Variants in STYX observed in about 807,000 individuals in gnomAD.
STYX encodes the protein serine/threonine/tyrosine interacting protein.
A neutral mutation model predicts 42.7 loss-of-function variants in STYX; 20 were observed. The observed-to-expected ratio is 0.47, with a 90% CI of 0.33 to 0.68. The LOEUF (loss-of-function observed/expected upper bound fraction) is 0.68, where lower values mean the gene tolerates loss of function less well. Ranked by LOEUF, STYX falls within the 30% of genes least tolerant of loss-of-function variation. The pLI is 0.02. For missense variants in STYX, 226 were observed against 268.5 expected (o/e 0.84, Z 1.11); for synonymous variants, 78 against 81.9 (o/e 0.95, Z 0.26).
At chr14:52,752,882 GTTT>G (rs1382888369) in intron 4 of STYX, among the ~76,000 whole-genome samples, 1 of 50,172 alleles carries the variant, frequency 2.0e-5, no homozygotes, top group Admixed American at 2.2e-4. Flanking sequence ...TGTTGTTGTT[GTTT>G]TTTTTTTTTT....
rs36115577 is a variant in STYX at position 52,774,591 on chromosome 14, A to ATTTTTTTTTTTTTTTTTT, written c.*3502_*3503insTTTTTTTTTTTTTTTTTT. On this transcript the variant is annotated 3_prime_UTR_variant, in exon 11 of 11. Transcript: ENST00000354586. The stretch of plus-strand genomic sequence containing the variant: ...GTCTCTAGGGTCTTTGAATGCTGGA[A>ATTTTTTTTTTTTTTTTTT]TTTTTTTTTTTTTTTTTGTCTTTCC... 1.5e-5 allele frequency: 2 copies of ATTTTTTTTTTTTTTTTTT among 136,264 alleles called. No homozygotes were observed. The highest frequency in any genetic ancestry group is 1.6e-5 in the Non-Finnish European group (1 of 63,016). 8.4% of individuals were successfully genotyped at this position (136,264 alleles called of 1,614,324 possible). A position where few individuals can be genotyped will look rare whatever the true frequency, so the allele number is the denominator to read the frequency against.
In STYX at chr14:52,771,058, A is replaced by AG; in HGVS notation, c.625dup (p.Glu209GlyfsTer3). 6.2e-7 allele frequency: 1 copy of AG among 1,613,110 alleles called. No homozygotes were observed. The highest frequency in any genetic ancestry group is 8.5e-7 in the Non-Finnish European group (1 of 1,179,232). ...GCAGTTTGAAGAGAACACATGAAGA[A>AG]GAGGATGATTTTGGAACCATGCAAG... On this transcript the variant is annotated frameshift_variant, in exon 11 of 11. Transcript: ENST00000354586. LOFTEE classifies it high-confidence loss of function.
chr14:52,755,121 G>GTTTTTTTTTTTTTTTTTT (rs537098365), intron 4 of STYX, among the ~76,000 whole-genome samples: 1 of 139,308 alleles, frequency 7.2e-6, no homozygotes. Flanking sequence ...TTGTTTTTTT[G>GTTTTTTTTTTTTTTTTTT]TTTTTTTTTT....
At chr14:52,757,653 A>G in intron 6 of STYX, 90 bp from the exon 7 acceptor site, 5 of 1,142,748 alleles carry the variant, frequency 4.4e-6, no homozygotes, top group Middle Eastern at 2.1e-4. Flanking sequence ...TGATTATAGT[A>G]TATAAGGAGT....
intron 9 of STYX, among the ~76,000 whole-genome samples, chr14:52,764,153 C>T (rs772866524): frequency 2.4e-4 from 37 of 151,862 alleles, no homozygotes; most frequent in Non-Finnish European, 3.8e-4. Context: ...TCACCACGCC[C>T]GGCTAATTTT....
At chr14:52,765,715 C>G (rs1333651604) in intron 9 of STYX, among the ~76,000 whole-genome samples, 1 of 152,154 alleles carries the variant, frequency 6.6e-6, no homozygotes, top group East Asian at 1.9e-4. Context: ...TGTTCTATAT[C>G]AGATCATCAG....
At position 52,771,096 on chromosome 14, in the gene STYX, A is replaced by C; in HGVS notation, c.662A>C (p.Gln221Pro). The C allele has an allele frequency of 1.9e-6, 3 of 1,609,500 alleles. No homozygotes were observed. Among genetic ancestry groups the C allele is most frequent in the Non-Finnish European group, 1.7e-6 (2 of 1,176,972 alleles). ...GGAACCATGCAAGTGGCGACTGCAC[A>C]GAATGGCTGACTTGAAGAGCAACAT... ...DFGTMQVATA[Q>P]NG Residue 221 changes from glutamine to proline, a missense_variant, in exon 11 of 11, where the codon CAG (glutamine) becomes CCG (proline). By Grantham distance (76) the Gln-to-Pro change is moderately conservative (BLOSUM62 -1). Transcript: ENST00000354586.
At chr14:52,758,985 C>G (rs1881987561) in intron 8 of STYX, among the ~76,000 whole-genome samples, 1 of 152,056 alleles carries the variant, frequency 6.6e-6, no homozygotes, top group Non-Finnish European at 1.5e-5. Flanking sequence ...TTGGAAATAA[C>G]TTGTATTTAT....
At chr14:52,750,832 G>T in intron 4 of STYX, 52 bp downstream of exon 4, 1 of 1,251,108 alleles carries the variant, frequency 8.0e-7, no homozygotes, top group Non-Finnish European at 1.1e-6. Context: ...TTCATTTCAG[G>T]TTTTGTACCA....
At chr14:52,741,156 TAA>T (rs1193902771) in intron 1 of STYX, among the ~76,000 whole-genome samples, 1 of 151,570 alleles carries the variant, frequency 6.6e-6, no homozygotes, top group East Asian at 1.9e-4. Flanking sequence ...GAGACTACAA[TAA>T]ATAAAGCTGC....
intron 8 of STYX, among the ~76,000 whole-genome samples, chr14:52,758,345 A>G (rs990687394): frequency 6.6e-6 from 1 of 152,188 alleles, no homozygotes; most frequent in Non-Finnish European, 1.5e-5. Context: ...AGCATTCTGT[A>G]TAGATTTTTT....
intron 3 of STYX, among the ~76,000 whole-genome samples, chr14:52,746,716 G>T (rs1414856109): frequency 6.6e-6 from 1 of 152,098 alleles, no homozygotes; most frequent in East Asian, 1.9e-4. Context: ...ATGTTTGAAA[G>T]ATTTACCAAA....
intron 3 of STYX, 72 bp downstream of exon 3, chr14:52,746,551 TAAAG>T: frequency 3.8e-6 from 5 of 1,325,844 alleles, no homozygotes; most frequent in Non-Finnish European, 3.1e-6. Context: ...TTTTTAGTAA[TAAAG>T]AGTTTTATTT....
intron 1 of STYX, among the ~76,000 whole-genome samples, chr14:52,735,101 T>A (rs1880896966): frequency 1.3e-5 from 2 of 151,810 alleles, no homozygotes; most frequent in African/African-American, 2.4e-5. Flanking sequence ...GTGGTGCAGC[T>A]AGTTTCAAGG....
intron 1 of STYX, among the ~76,000 whole-genome samples, chr14:52,743,874 A>C (rs1881294016): frequency 6.6e-6 from 1 of 152,116 alleles, no homozygotes; most frequent in African/African-American, 2.4e-5. Context: ...CCCTAGCTGG[A>C]GTGGTGGGGT....
chr14:52,743,562 C>T (rs970539868), intron 1 of STYX, among the ~76,000 whole-genome samples: 1 of 151,972 alleles, frequency 6.6e-6, no homozygotes, highest in African/African-American at 2.4e-5. Flanking sequence ...ACCTGGATGA[C>T]AGTGTAAGAC....
intron 1 of STYX, among the ~76,000 whole-genome samples, chr14:52,739,852 C>T (rs1438207123): frequency 1.3e-5 from 2 of 151,930 alleles, no homozygotes; most frequent in Non-Finnish European, 2.9e-5. Context: ...CTATATTGCC[C>T]AGGCTGGTCT....
At chr14:52,743,697 TAAAAG>T (rs1881285788) in intron 1 of STYX, among the ~76,000 whole-genome samples, 1 of 152,156 alleles carries the variant, frequency 6.6e-6, no homozygotes, top group Non-Finnish European at 1.5e-5. Context: ...TGTTTCAAAA[TAAAAG>T]GTTAAAAAAA....
At chr14:52,762,345 T>G (rs772067665) in intron 9 of STYX, among the ~76,000 whole-genome samples, 5 of 152,212 alleles carry the variant, frequency 3.3e-5, no homozygotes, top group Non-Finnish European at 7.3e-5. Context: ...TGAAGTTTTC[T>G]TTTTTAAGGT....
Sources: allele counts gnomAD v4.1 joint callset (sites outside exome capture counted in the v4.1 genomes callset), GRCh38; gene constraint gnomAD v4.1.1; transcripts MANE v1.5; gene names NCBI Gene and HGNC (gene_info 2026-07-23, HGNC 2026-07-21).